AMPH: variants seen among roughly 807,000 people sequenced by gnomAD.
AMPH encodes the protein amphiphysin (Stiff-Mann syndrome with breast cancer 128kD autoantigen).
Under a neutral mutation model 99.1 loss-of-function variants are expected in AMPH, and 49 were observed. That is an observed-to-expected ratio of 0.49 (90% CI 0.39 to 0.63). AMPH has a LOEUF of 0.63. AMPH is among the 20% of genes least tolerant of loss of function. The probability of loss-of-function intolerance (pLI) is 0.00; values close to 1 mark genes in which losing one functional copy is unlikely to be tolerated. For missense variants in AMPH, 759 were observed against 863.4 expected (o/e 0.88, Z 1.52); for synonymous variants, 314 against 317.3 (o/e 0.99, Z 0.11).
chr7:38,543,848 C>T (rs937220918), intron 1 of AMPH, among the ~76,000 whole-genome samples: 1 of 152,014 alleles, frequency 6.6e-6, no homozygotes, highest in Non-Finnish European at 1.5e-5. Context: ...TGAAAAATAC[C>T]AAAGACTATA....
chr7:38,451,362 A>ATATATACATATATACGTTATATACACG, intron 11 of AMPH, among the ~76,000 whole-genome samples: 1 of 149,920 alleles, frequency 6.7e-6, no homozygotes, highest in African/African-American at 2.5e-5. Flanking sequence ...ATATACACGT[A>ATATATACATATATACGTTATATACACG]TATATATGTG....
chr7:38,601,205 C>A (rs1417337236), intron 1 of AMPH, among the ~76,000 whole-genome samples: 2 of 152,180 alleles, frequency 1.3e-5, no homozygotes, highest in East Asian at 3.9e-4. Context: ...ATGTCAAGGC[C>A]TCATCCACAG....
intron 1 of AMPH, among the ~76,000 whole-genome samples, chr7:38,623,695 A>G (rs1225889554): frequency 1.3e-5 from 2 of 152,230 alleles, no homozygotes; most frequent in African/African-American, 4.8e-5. Flanking sequence ...GCCTCACAGT[A>G]CAAATCTCCT....
intron 1 of AMPH, among the ~76,000 whole-genome samples, chr7:38,568,220 C>T (rs1030747017): frequency 6.6e-6 from 1 of 152,108 alleles, no homozygotes; most frequent in Non-Finnish European, 1.5e-5. Flanking sequence ...GTAAAGAATC[C>T]TTTAGGAGGC....
intron 17 of AMPH, among the ~76,000 whole-genome samples, chr7:38,400,399 T>C (rs1784809210): frequency 6.6e-6 from 1 of 152,268 alleles, no homozygotes; most frequent in Non-Finnish European, 1.5e-5. Context: ...TCTAATCTTC[T>C]GTCTCAATCA....
chr7:38,534,163 C>T (rs1029083318), intron 2 of AMPH, among the ~76,000 whole-genome samples: 2 of 152,034 alleles, frequency 1.3e-5, no homozygotes, highest in Admixed American at 6.6e-5. Flanking sequence ...TTTATCTATG[C>T]TTTATACACT....
At chr7:38,395,635 A>T (rs1350677161) in intron 17 of AMPH, among the ~76,000 whole-genome samples, 1 of 152,226 alleles carries the variant, frequency 6.6e-6, no homozygotes, top group Non-Finnish European at 1.5e-5. Flanking sequence ...TATATCCGGG[A>T]CACATATTTC....
chr7:38,602,056 C>A (rs1793264040), intron 1 of AMPH, among the ~76,000 whole-genome samples: 2 of 152,172 alleles, frequency 1.3e-5, no homozygotes, highest in African/African-American at 4.8e-5. Context: ...AGTCCTTCAA[C>A]CTGGTCATCT....
At chr7:38,451,276 T>G (rs1410536317) in intron 11 of AMPH, among the ~76,000 whole-genome samples, 1 of 139,684 alleles carries the variant, frequency 7.2e-6, no homozygotes. Context: ...TGCATATACA[T>G]GTATATATAC....
intron 3 of AMPH, among the ~76,000 whole-genome samples, chr7:38,499,667 T>C (rs1445175243): frequency 6.6e-6 from 1 of 152,130 alleles, no homozygotes; most frequent in Non-Finnish European, 1.5e-5. Context: ...ACAAGAAAAA[T>C]TGCCCATGAA....
chr7:38,590,293 A>G (rs1203419448), intron 1 of AMPH, among the ~76,000 whole-genome samples: 1 of 152,188 alleles, frequency 6.6e-6, no homozygotes, highest in Admixed American at 6.5e-5. Context: ...TAGCCCAATC[A>G]GGAGCAGCAA....
intron 1 of AMPH, among the ~76,000 whole-genome samples, chr7:38,580,338 T>C (rs1370259942): frequency 6.6e-6 from 1 of 152,136 alleles, no homozygotes; most frequent in Non-Finnish European, 1.5e-5. Flanking sequence ...TTTATCTCCT[T>C]ATTAGGGGTT....
chr7:38,572,002 T>C (rs1016060192), intron 1 of AMPH, among the ~76,000 whole-genome samples: 4 of 151,872 alleles, frequency 2.6e-5, no homozygotes, highest in African/African-American at 9.7e-5. Context: ...GCCTCCCAGG[T>C]TCAAGTGATT....
chr7:38,386,572 C>A (rs756918539), intron 20 of AMPH, among the ~76,000 whole-genome samples: 2 of 152,058 alleles, frequency 1.3e-5, no homozygotes, highest in Non-Finnish European at 2.9e-5. Context: ...GATTTCCTGT[C>A]TTGGTAATGG....
chr7:38,539,253 G>T (rs1284158118), intron 1 of AMPH, among the ~76,000 whole-genome samples: 1 of 152,200 alleles, frequency 6.6e-6, no homozygotes, highest in East Asian at 1.9e-4. Flanking sequence ...AGGTTCCTGG[G>T]ATCCTTCCCA....
In AMPH at chr7:38,391,892, G is replaced by T; in HGVS notation, c.1734C>A (p.Thr578=). ...CCGTAGCCAGCTCCGGTGTCTCGCT[G>T]GTGGGGCCCGGAGGAGCCGCGTCCT... is the stretch of plus-strand genomic sequence containing the variant. The part of the protein sequence containing the change: ...TTEDAAPPGP[T]SETPELATEQ... The change falls in exon 19 of 21, where the codon ACC becomes ACA. Residue 578 remains threonine, a synonymous_variant. Coordinates refer to ENST00000356264, the MANE Select transcript of AMPH (RefSeq NM_001635.4). 6.2e-7 allele frequency: 1 copy of T among 1,612,750 alleles called. No homozygotes were observed. The highest frequency in any genetic ancestry group is 8.5e-7 in the Non-Finnish European group (1 of 1,179,794).
intron 1 of AMPH, among the ~76,000 whole-genome samples, chr7:38,620,353 TGTG>T (rs1794010443): frequency 6.7e-6 from 1 of 148,276 alleles, no homozygotes; most frequent in African/African-American, 2.5e-5. Context: ...TGTGTGTGTG[TGTG>T]TGTGTGTCTG....
At position 38,454,471 on chromosome 7, in the gene AMPH, A is replaced by G. The variant is rs561214053; in HGVS notation, c.1017+6812T>C. ...CTGTATGGTCTTTTACTTGTAGAAAAAAGAGATAGTTTCAGTGACACTAGA... is the reference window on the plus strand; with the variant it reads ...CTGTATGGTCTTTTACTTGTAGAAAGAAGAGATAGTTTCAGTGACACTAGA... On this transcript the variant is annotated intron_variant, in intron 11 of 20. Transcript: ENST00000356264. 1.7e-3 allele frequency among the ~76,000 whole-genome samples: 259 copies of G among 152,214 alleles called. 1 individual carries two copies. The highest frequency in any genetic ancestry group is 6.0e-3 in the African/African-American group (249 of 41,534).
chr7:38,523,490 G>A (rs1249987947), intron 2 of AMPH, among the ~76,000 whole-genome samples: 1 of 152,204 alleles, frequency 6.6e-6, no homozygotes. Context: ...ATGCAGGTCT[G>A]TCAAAAGGAC....
Sources: gnomAD v4.1 joint callset for allele counts (sites outside exome capture counted in the v4.1 genomes callset) on GRCh38, gnomAD v4.1.1 for gene constraint, MANE v1.5 for transcripts, NCBI Gene and HGNC (gene_info 2026-07-23, HGNC 2026-07-21) for gene names.